TET1: variants seen among roughly 807,000 people sequenced by gnomAD.
TET1 encodes the protein methylcytosine dioxygenase TET1.
In TET1, 13 loss-of-function variants were observed where a neutral mutation model predicts 148.7. The ratio of observed to expected loss-of-function variants is 0.09; its 90% CI spans 0.06 to 0.14. The LOEUF (loss-of-function observed/expected upper bound fraction) is 0.14. Among genes scored for constraint, TET1 ranks in the 10% least tolerant of loss-of-function variants. The pLI is 1.00. For synonymous variants in TET1, 907 were observed against 937.2 expected (o/e 0.97, Z 0.59); for missense variants, 2,182 against 2,553.8 (o/e 0.85, Z 3.14).
chr10:68,619,900 T>C (rs1342857374), intron 3 of TET1, among the ~76,000 whole-genome samples: 1 of 151,858 alleles, frequency 6.6e-6, no homozygotes. Context: ...TCATTTAAAG[T>C]GTACAATTCA....
intron 11 of TET1, among the ~76,000 whole-genome samples, chr10:68,687,817 G>A (rs1315074274): frequency 3.9e-5 from 6 of 152,140 alleles, no homozygotes; most frequent in Admixed American, 6.5e-5. Context: ...TGGAACTCCT[G>A]GACTCAAATG....
intron 6 of TET1, among the ~76,000 whole-genome samples, chr10:68,654,311 A>C (rs1025410089): frequency 6.6e-6 from 1 of 151,680 alleles, no homozygotes; most frequent in Non-Finnish European, 1.5e-5. Flanking sequence ...ATCTAAGCAG[A>C]GTCAGTTGAA....
chr10:68,625,322 G>A (rs2054461914), intron 3 of TET1, among the ~76,000 whole-genome samples: 1 of 152,278 alleles, frequency 6.6e-6, no homozygotes. Flanking sequence ...AAAATGCCAA[G>A]AAGCCTTGTA....
intron 3 of TET1, among the ~76,000 whole-genome samples, chr10:68,633,851 G>A (rs1407105028): frequency 6.6e-6 from 1 of 152,144 alleles, no homozygotes; most frequent in African/African-American, 2.4e-5. Flanking sequence ...AGAGAAATGA[G>A]GAGGGTTTGT....
At chr10:68,575,041 T>C (rs1328666332) in intron 2 of TET1, among the ~76,000 whole-genome samples, 1 of 152,242 alleles carries the variant, frequency 6.6e-6, no homozygotes, top group Non-Finnish European at 1.5e-5. Flanking sequence ...ATTAAAGTTA[T>C]GTTTATTACA....
At chr10:68,643,577 T>G (rs937615334) in intron 3 of TET1, among the ~76,000 whole-genome samples, 2 of 152,054 alleles carry the variant, frequency 1.3e-5, no homozygotes, top group Non-Finnish European at 1.5e-5. Context: ...TGCCAGCACT[T>G]TGGGAGGCTG....
In TET1 at chr10:68,572,531, A is replaced by T. The variant is rs758126390; in HGVS notation, c.193A>T (p.Lys65Ter). 6.2e-7 allele frequency: 1 copy of T among 1,613,876 alleles called. No individual in the cohort carries two copies. Among genetic ancestry groups the T allele is most frequent in the Non-Finnish European group, 8.5e-7 (1 of 1,179,980 alleles). The change falls in exon 2 of 12, where the codon AAA becomes TAA. Residue 65 changes from lysine (K) to a stop codon, truncating the protein, a stop_gained. Coordinates refer to ENST00000373644, the MANE Select transcript of TET1 (RefSeq NM_030625.3). LOFTEE classifies it high-confidence loss of function. ...AGATGTTAAGAAAAAAACAGAACCT[A>T]AACCACCCGTGCCAGTCAGAAGCCT... The part of the protein sequence containing the change: ...ERDVKKKTEP[K>*]PPVPVRSLLT...
chr10:68,647,792 G>C (rs796302716), intron 4 of TET1, among the ~76,000 whole-genome samples: 1 of 152,104 alleles, frequency 6.6e-6, no homozygotes, highest in African/African-American at 2.4e-5. Flanking sequence ...GGCAGTTGCC[G>C]TCCTACTCTA....
At chr10:68,563,927 C>T (rs964589472) in intron 1 of TET1, among the ~76,000 whole-genome samples, 1 of 152,098 alleles carries the variant, frequency 6.6e-6, no homozygotes, top group African/African-American at 2.4e-5. Flanking sequence ...GGTGATCTGC[C>T]TGCCTCGGCC....
In TET1 at chr10:68,647,089, T is replaced by C. The variant is rs1042730329; in HGVS notation, c.4276+84T>C. 6.4e-5 allele frequency: 90 copies of C among 1,416,866 alleles called. No individual in the cohort carries two copies. The Middle Eastern group carries it at 7.3e-4, about 12-fold the overall frequency. The allele number at this position is 1,416,866 out of a possible 1,614,324, so 87.8% of individuals were successfully genotyped here. On this transcript the variant is annotated intron_variant, in intron 4 of 11. Coordinates refer to ENST00000373644, the MANE Select transcript of TET1 (RefSeq NM_030625.3). ...TGAAGCAAATTCTGATTCATCTTTT[T>C]TGTGTGATATTTTTTCCCCATTCTT... is the stretch of plus-strand genomic sequence containing the variant.
At chr10:68,664,959 A>G (rs777814324) in intron 6 of TET1, among the ~76,000 whole-genome samples, 1 of 151,390 alleles carries the variant, frequency 6.6e-6, no homozygotes, top group African/African-American at 2.4e-5. Flanking sequence ...TTTTGTGGAG[A>G]CTGAGTCTCA....
chr10:68,596,042 A>ATG (rs1554932897), intron 2 of TET1, among the ~76,000 whole-genome samples: 116 of 138,764 alleles, frequency 8.4e-4, no homozygotes, highest in African/African-American at 2.9e-3. Flanking sequence ...ATATATATAT[A>ATG]TACACATTTT....
At chr10:68,633,334 T>A (rs1382834281) in intron 3 of TET1, among the ~76,000 whole-genome samples, 1 of 151,776 alleles carries the variant, frequency 6.6e-6, no homozygotes, top group Non-Finnish European at 1.5e-5. Context: ...TTTTAATTTG[T>A]TTTTTTAAAA....
chr10:68,632,385 G>GGAGCCCGGT lies in TET1; in HGVS notation c.1969-12305_1969-12297dup, dbSNP rs1317244616. The stretch of plus-strand genomic sequence containing the variant: ...GAGTAGTCCTCATGGCCTCCACGCC[G>GGAGCCCGGT]GAGCCCGGTGAGCCCGAGGAGAGGA... On this transcript the variant is annotated intron_variant, in intron 3 of 11. Transcript: ENST00000373644. 2.5e-5 allele frequency: 40 copies of GGAGCCCGGT among 1,606,890 alleles called. No homozygotes were observed. In the South Asian group the frequency reaches 3.3e-4, roughly 13 times the overall value.
At chr10:68,590,127 G>A (rs2053902721) in intron 2 of TET1, among the ~76,000 whole-genome samples, 1 of 151,314 alleles carries the variant, frequency 6.6e-6, no homozygotes, top group Non-Finnish European at 1.5e-5. Context: ...TTCTTTTTTT[G>A]TGTGTGACAG....
chr10:68,565,249 G>A (rs1254471463), intron 1 of TET1, among the ~76,000 whole-genome samples: 1 of 151,922 alleles, frequency 6.6e-6, no homozygotes, highest in African/African-American at 2.4e-5. Context: ...GGCTCAGGAG[G>A]GCAGATGACT....
chr10:68,616,573 T>G (rs2054292842), intron 3 of TET1, among the ~76,000 whole-genome samples: 1 of 152,146 alleles, frequency 6.6e-6, no homozygotes, highest in African/African-American at 2.4e-5. Flanking sequence ...GGTCTCACTC[T>G]CACCCTGGCG....
intron 3 of TET1, among the ~76,000 whole-genome samples, chr10:68,633,422 C>A (rs991014632): frequency 1.3e-5 from 2 of 151,426 alleles, no homozygotes; most frequent in African/African-American, 4.9e-5. Context: ...CCTCTGTCAC[C>A]CAGGCTGGAG....
chr10:68,599,909 GA>G (rs139575693), intron 2 of TET1, among the ~76,000 whole-genome samples: 1,723 of 152,226 alleles, frequency 0.011, 39 homozygotes, highest in African/African-American at 0.039. Context: ...AGTGTATTTT[GA>G]AAACTCCTCC....
Sources: gnomAD v4.1 joint callset for allele counts (sites outside exome capture counted in the v4.1 genomes callset) on GRCh38, gnomAD v4.1.1 for gene constraint, MANE v1.5 for transcripts, NCBI Gene and HGNC (gene_info 2026-07-23, HGNC 2026-07-21) for gene names.